CNTLN: variants seen among roughly 807,000 people sequenced by gnomAD.
CNTLN encodes centlein.
A neutral mutation model predicts 180.0 loss-of-function variants in CNTLN; 212 were observed. That is an observed-to-expected ratio of 1.18 (90% confidence interval 1.05 to 1.32). The LOEUF is 1.32. Among genes scored for constraint, CNTLN ranks in the 40% most tolerant of loss-of-function variants. CNTLN has a pLI of 0.00. For missense variants in CNTLN, 2,095 were observed against 1,610.9 expected (o/e 1.30, Z -5.14); for synonymous variants, 722 against 563.1 (o/e 1.28, Z -3.99).
intron 2 of CNTLN, among the ~76,000 whole-genome samples, chr9:17,220,603 A>T (rs1432585795): frequency 1.3e-5 from 2 of 152,080 alleles, no homozygotes; most frequent in Admixed American, 1.3e-4. Flanking sequence ...GCACTCTCTG[A>T]TAGGACCCAG....
intron 25 of CNTLN, among the ~76,000 whole-genome samples, chr9:17,489,347 C>G (rs1448287110): frequency 2.0e-5 from 3 of 152,056 alleles, no homozygotes; most frequent in African/African-American, 7.2e-5. Flanking sequence ...ATCATCTTCA[C>G]ATTGTGGAAT....
At position 17,273,862 on chromosome 9, in the gene CNTLN, G is replaced by T; in HGVS notation, c.979G>T (p.Val327Phe). The T allele has an allele frequency of 6.5e-7, 1 of 1,547,392 alleles. No homozygotes were observed. The highest frequency in any genetic ancestry group is 1.3e-5 in the South Asian group (1 of 79,604). Residue 327 changes from valine to phenylalanine, a missense_variant, in exon 6 of 26, where the codon GTC becomes TTC. Val to Phe is a conservative substitution (Grantham distance 50). Transcript: ENST00000380647. The part of the protein sequence containing the change: ...LIQKDMDITL[V>F]RKELQELQNL... ...CCAGAAGGATATGGATATTACCCTG[G>T]TCAGGCAAGTATATTCAATTTTTAA...
rs191743096 is a variant in CNTLN, at chr9:17,176,476, A to T, written c.449+33100A>T. On this transcript the variant is annotated intron_variant, in intron 2 of 25. Coordinates refer to ENST00000380647, the MANE Select transcript of CNTLN (RefSeq NM_017738.4). ...TCGTGGAGTACAATTATACATTGCT[A>T]AATACTATTTGCTAATGTTTTGTTA... Among the ~76,000 whole-genome samples, 774 of 152,314 alleles carry T rather than the reference A, an allele frequency of 5.1e-3. 5 individuals are homozygous for T. The highest frequency in any genetic ancestry group is 8.0e-3 in the Admixed American group (122 of 15,304).
chr9:17,284,677 T>C (rs1391904387), intron 6 of CNTLN, among the ~76,000 whole-genome samples: 1 of 152,166 alleles, frequency 6.6e-6, no homozygotes, highest in Non-Finnish European at 1.5e-5. Context: ...TTGCAGTCTA[T>C]CCATTTTATT....
chr9:17,433,106 AC>A (rs1829528963), intron 18 of CNTLN, among the ~76,000 whole-genome samples: 4 of 151,842 alleles, frequency 2.6e-5, no homozygotes, highest in African/African-American at 9.7e-5. Context: ...TAAATTCCTC[AC>A]TAGAGGAAGC....
chr9:17,458,935 T>C (rs1376017288), intron 19 of CNTLN, among the ~76,000 whole-genome samples: 3 of 151,818 alleles, frequency 2.0e-5, no homozygotes, highest in Non-Finnish European at 4.4e-5. Flanking sequence ...AACTGAACAT[T>C]TCAGTGTTAA....
intron 3 of CNTLN, among the ~76,000 whole-genome samples, chr9:17,232,246 T>C (rs537402740): frequency 6.6e-6 from 1 of 152,180 alleles, no homozygotes; most frequent in South Asian, 2.1e-4. Flanking sequence ...TTATTTTCTT[T>C]AATGATTTTG....
At chr9:17,204,677 T>C (rs2131907258) in intron 2 of CNTLN, among the ~76,000 whole-genome samples, 1 of 152,286 alleles carries the variant, frequency 6.6e-6, no homozygotes, top group South Asian at 2.1e-4. Context: ...AGGCAGTCTT[T>C]CCCTTCTCTG....
At chr9:17,380,204 A>G (rs1378297908) in intron 13 of CNTLN, among the ~76,000 whole-genome samples, 1 of 152,186 alleles carries the variant, frequency 6.6e-6, no homozygotes, top group Non-Finnish European at 1.5e-5. Context: ...TCCTCAAACA[A>G]AAGTTTCTTG....
At chr9:17,522,494 C>A in the CNTLN span, among the ~76,000 whole-genome samples, 3 of 152,164 alleles carry the variant, frequency 2.0e-5, no homozygotes, top group Admixed American at 6.5e-5. Context: ...TCCCATCATA[C>A]CTCAGGCAGC....
At chr9:17,225,372 TC>T (rs1824400238) in intron 2 of CNTLN, among the ~76,000 whole-genome samples, 1 of 152,184 alleles carries the variant, frequency 6.6e-6, no homozygotes, top group Admixed American at 6.6e-5. Context: ...AGTAGCTTCA[TC>T]CCCATTTATA....
intron 12 of CNTLN, among the ~76,000 whole-genome samples, chr9:17,366,375 C>G (rs1393380814): frequency 6.6e-6 from 1 of 152,046 alleles, no homozygotes; most frequent in Non-Finnish European, 1.5e-5. Context: ...AACTTCTAGT[C>G]TCAAGTGATC....
intron 25 of CNTLN, among the ~76,000 whole-genome samples, chr9:17,490,060 C>G (rs1833073289): frequency 6.6e-6 from 1 of 152,080 alleles, no homozygotes; most frequent in African/African-American, 2.4e-5. Flanking sequence ...ACCAAAATTA[C>G]TTTGTCTATA....
intron 2 of CNTLN, among the ~76,000 whole-genome samples, chr9:17,211,083 G>T (rs577004749): frequency 7.9e-5 from 12 of 152,180 alleles, no homozygotes; most frequent in East Asian, 3.9e-4. Flanking sequence ...GTCAATTTTG[G>T]CTTTTGTTGC....
intron 1 of CNTLN, among the ~76,000 whole-genome samples, chr9:17,141,464 A>C (rs1404009223): frequency 3.9e-5 from 6 of 152,146 alleles, no homozygotes; most frequent in African/African-American, 1.4e-4. Context: ...CCCTGGTTCA[A>C]GTAGAGCAAG....
At chr9:17,242,094 A>G (rs1412183283) in intron 5 of CNTLN, among the ~76,000 whole-genome samples, 1 of 152,172 alleles carries the variant, frequency 6.6e-6, no homozygotes, top group Non-Finnish European at 1.5e-5. Flanking sequence ...AATAGTGGTG[A>G]AAGTGGATAT....
chr9:17,200,456 T>C (rs1381155737), intron 2 of CNTLN, among the ~76,000 whole-genome samples: 1 of 152,216 alleles, frequency 6.6e-6, no homozygotes, highest in Non-Finnish European at 1.5e-5. Flanking sequence ...TATTGATTCT[T>C]CCTATCCATG....
chr9:17,445,622 C>T (rs1830362974), intron 18 of CNTLN, among the ~76,000 whole-genome samples: 2 of 152,138 alleles, frequency 1.3e-5, no homozygotes, highest in Middle Eastern at 3.2e-3. Context: ...TCACCACTCC[C>T]TAATCTCAAG....
At chr9:17,252,151 G>A (rs966709317) in intron 5 of CNTLN, among the ~76,000 whole-genome samples, 1 of 151,724 alleles carries the variant, frequency 6.6e-6, no homozygotes, top group African/African-American at 2.4e-5. Context: ...TGGATACTTA[G>A]GTTGATGCCA....
Sources: allele counts gnomAD v4.1 joint callset (sites outside exome capture counted in the v4.1 genomes callset), GRCh38; gene constraint gnomAD v4.1.1; transcripts MANE v1.5; gene names NCBI Gene and HGNC (gene_info 2026-07-23, HGNC 2026-07-21).